TSHZ2: variants seen among roughly 807,000 people sequenced by gnomAD.
TSHZ2 encodes teashirt homolog 2.
In TSHZ2, 21 loss-of-function variants were observed where a neutral mutation model predicts 74.4. The observed-to-expected ratio is 0.28, with a 90% CI of 0.20 to 0.41. The LOEUF (loss-of-function observed/expected upper bound fraction) is 0.41. TSHZ2 is among the 10% of genes least tolerant of loss of function. The probability of loss-of-function intolerance (pLI) is 1.00; values close to 1 mark genes in which losing one functional copy is unlikely to be tolerated. For synonymous variants in TSHZ2, 540 were observed against 515.3 expected, an observed-to-expected ratio of 1.05 and a Z score of -0.65; for missense variants, 1,244 against 1,293.5, an observed-to-expected ratio of 0.96 and a Z score of 0.59.
At chr20:53,399,912 G>A (rs1245881433) in intron 2 of TSHZ2, 2 of 152,360 alleles carry the variant, frequency 1.3e-5, no homozygotes, top group Non-Finnish European at 2.9e-5. Context: ...TTAGATTTAT[G>A]ATGAAAAGAT....
At chr20:53,334,736 C>G (rs897205821) in intron 2 of TSHZ2, among the ~76,000 whole-genome samples, 1 of 151,844 alleles carries the variant, frequency 6.6e-6, no homozygotes, top group African/African-American at 2.4e-5. Flanking sequence ...GCTCTGTCGC[C>G]CAGGCTGGAG....
At chr20:53,164,280 C>A (rs1056549522) in intron 1 of TSHZ2, among the ~76,000 whole-genome samples, 4 of 152,118 alleles carry the variant, frequency 2.6e-5, no homozygotes, top group African/African-American at 9.7e-5. Context: ...AGAGATTAAT[C>A]AATACACTAC....
At chr20:53,258,073 T>C (rs1315971240) in intron 2 of TSHZ2, among the ~76,000 whole-genome samples, 1 of 152,184 alleles carries the variant, frequency 6.6e-6, no homozygotes, top group Non-Finnish European at 1.5e-5. Flanking sequence ...AGTGAGGCGA[T>C]CTACGCTTCT....
intron 2 of TSHZ2, among the ~76,000 whole-genome samples, chr20:53,403,773 C>A (rs757709066): frequency 6.6e-6 from 1 of 152,178 alleles, no homozygotes; most frequent in African/African-American, 2.4e-5. Flanking sequence ...TATTCAGGTG[C>A]GAGTCTTCAG....
At chr20:53,180,127 T>G (rs1254475068) in intron 1 of TSHZ2, among the ~76,000 whole-genome samples, 2 of 152,200 alleles carry the variant, frequency 1.3e-5, no homozygotes, top group African/African-American at 2.4e-5. Context: ...CTTCAGTAGC[T>G]TCAGAGATTC....
intron 1 of TSHZ2, among the ~76,000 whole-genome samples, chr20:53,120,049 A>C (rs568016586): frequency 1.3e-5 from 2 of 152,356 alleles, no homozygotes; most frequent in African/African-American, 4.8e-5. Flanking sequence ...TCAAAGGATC[A>C]CAAACATACA....
At chr20:53,375,579 C>T (rs770588234) in intron 2 of TSHZ2, among the ~76,000 whole-genome samples, 1 of 152,092 alleles carries the variant, frequency 6.6e-6, no homozygotes, top group African/African-American at 2.4e-5. Flanking sequence ...GGAAGTCAGA[C>T]GTAAAGCACA....
chr20:53,355,653 GA>G (rs1331852572), intron 2 of TSHZ2, among the ~76,000 whole-genome samples: 2 of 152,006 alleles, frequency 1.3e-5, no homozygotes, highest in East Asian at 1.9e-4. Flanking sequence ...TTTTTGGGAA[GA>G]AAAAAATGTT....
chr20:53,081,128 G>A (rs1026299251), intron 1 of TSHZ2, among the ~76,000 whole-genome samples: 10 of 152,262 alleles, frequency 6.6e-5, no homozygotes, highest in Admixed American at 3.9e-4. Context: ...CAGTCCTCCT[G>A]CCTCAGCCTC....
At chr20:53,328,119 G>GCTCA (rs1979572682) in intron 2 of TSHZ2, among the ~76,000 whole-genome samples, 1 of 152,150 alleles carries the variant, frequency 6.6e-6, no homozygotes. Flanking sequence ...TGACAATGGT[G>GCTCA]CTCACCCTTA....
intron 1 of TSHZ2, among the ~76,000 whole-genome samples, chr20:53,058,556 C>T (rs1299376406): frequency 6.6e-6 from 1 of 152,206 alleles, no homozygotes; most frequent in Non-Finnish European, 1.5e-5. Flanking sequence ...ACGGGCCACA[C>T]ACCCATGAAG....
chr20:53,023,657 G>A (rs1267972443), intron 1 of TSHZ2, among the ~76,000 whole-genome samples: 2 of 149,854 alleles, frequency 1.3e-5, no homozygotes, highest in Admixed American at 1.3e-4. Flanking sequence ...GAGTTATCAA[G>A]TTATCATGTT....
chr20:53,210,175 G>C (rs1174706166), intron 1 of TSHZ2, among the ~76,000 whole-genome samples: 2 of 152,228 alleles, frequency 1.3e-5, no homozygotes, highest in African/African-American at 4.8e-5. Flanking sequence ...AGGTGCAGGA[G>C]CCCGAGTGGG....
intron 2 of TSHZ2, among the ~76,000 whole-genome samples, chr20:53,345,992 G>T (rs933122115): frequency 6.6e-6 from 1 of 152,154 alleles, no homozygotes; most frequent in East Asian, 1.9e-4. Context: ...CAAATGAGAA[G>T]AGCCAGCAAA....
intron 2 of TSHZ2, among the ~76,000 whole-genome samples, chr20:53,309,835 T>C (rs1041582745): frequency 6.6e-6 from 1 of 152,190 alleles, no homozygotes. Flanking sequence ...GACCTTCCTT[T>C]AGTGTGCTCT....
At chr20:53,473,165 G>A (rs1468922926) in intron 2 of TSHZ2, among the ~76,000 whole-genome samples, 1 of 146,708 alleles carries the variant, frequency 6.8e-6, no homozygotes, top group African/African-American at 2.6e-5. Context: ...ACAGCTCAAG[G>A]AGTCCTGCCT....
chr20:53,340,385 C>T (rs1980147646), intron 2 of TSHZ2, among the ~76,000 whole-genome samples: 2 of 151,850 alleles, frequency 1.3e-5, no homozygotes, highest in African/African-American at 2.4e-5. Flanking sequence ...GGGGTTTCAC[C>T]GTGTTAGTCA....
chr20:53,173,516 G>C (rs930407021), intron 1 of TSHZ2, among the ~76,000 whole-genome samples: 2 of 152,170 alleles, frequency 1.3e-5, no homozygotes, highest in African/African-American at 4.8e-5. Context: ...GCTGAGGCAG[G>C]AGAATCGCTT....
At chr20:53,099,523 TTATTG>T (rs1330285302) in intron 1 of TSHZ2, among the ~76,000 whole-genome samples, 2 of 152,250 alleles carry the variant, frequency 1.3e-5, no homozygotes, top group Admixed American at 1.3e-4. Context: ...TTTTGTTTAC[TTATTG>T]TATTAGTCTG....
Sources: gnomAD v4.1 joint callset for allele counts (sites outside exome capture counted in the v4.1 genomes callset) on GRCh38, gnomAD v4.1.1 for gene constraint, MANE v1.5 for transcripts, NCBI Gene and HGNC (gene_info 2026-07-23, HGNC 2026-07-21) for gene names.